Variants in SPTBN1 observed in about 807,000 individuals in gnomAD.
SPTBN1 encodes the protein spectrin beta, non-erythrocytic 1.
SPTBN1 carries 32 observed loss-of-function variants against 266.4 expected under a neutral mutation model. The ratio of observed to expected loss-of-function variants is 0.12; its 90% CI spans 0.09 to 0.16. The LOEUF is 0.16. Ranked by LOEUF, SPTBN1 falls within the 10% of genes least tolerant of loss-of-function variation. The pLI is 1.00. For missense variants in SPTBN1, 2,296 were observed against 3,067.1 expected (o/e 0.75, Z 5.94); for synonymous variants, 1,336 against 1,162.2 (o/e 1.15, Z -3.04).
At chr2:54,575,558 T>A (rs1674403189) in intron 2 of SPTBN1, among the ~76,000 whole-genome samples, 1 of 152,380 alleles carries the variant, frequency 6.6e-6, no homozygotes, top group African/African-American at 2.4e-5. Flanking sequence ...CCTAAGGGCA[T>A]TTAACTTGAG....
chr2:54,488,620 G>T (rs1384362473), intron 1 of SPTBN1, among the ~76,000 whole-genome samples: 3 of 152,034 alleles, frequency 2.0e-5, no homozygotes, highest in Non-Finnish European at 1.5e-5. Flanking sequence ...TCAGTGTTGT[G>T]CATTATTATC....
chr2:54,545,475 C>T (rs999771916), intron 2 of SPTBN1: 1 of 152,082 alleles, frequency 6.6e-6, no homozygotes, highest in African/African-American at 2.4e-5. Context: ...ACCCAGAGAC[C>T]CCACTAAGTG....
chr2:54,631,726 A>G (rs1678744766), intron 16 of SPTBN1, 115 bp downstream of exon 16: 1 of 1,338,702 alleles, frequency 7.5e-7, no homozygotes, highest in Middle Eastern at 2.2e-4. Context: ...TTATATGGAT[A>G]ATTTAGAGAC....
intron 1 of SPTBN1, among the ~76,000 whole-genome samples, chr2:54,463,043 A>G (rs146064440): frequency 1.9e-3 from 291 of 152,338 alleles, no homozygotes; most frequent in African/African-American, 6.6e-3. Context: ...TTCAGAATAC[A>G]GTGAGACTGG....
intron 28 of SPTBN1, among the ~76,000 whole-genome samples, 174 bp downstream of exon 28, chr2:54,655,382 C>T (rs1680582853): frequency 6.6e-6 from 1 of 152,214 alleles, no homozygotes; most frequent in African/African-American, 2.4e-5. Context: ...AGACTCTAGG[C>T]CCAGGCTGGT....
At position 54,526,373 on chromosome 2, in the gene SPTBN1, A is replaced by G; in HGVS notation, c.-46A>G. 4 of 1,605,368 alleles carry G rather than the reference A, an allele frequency of 2.5e-6. No individual in the cohort carries two copies. Among genetic ancestry groups the G allele is most frequent in the Non-Finnish European group, 3.4e-6 (4 of 1,175,456 alleles). On this transcript the variant is annotated splice_region_variant and 5_prime_UTR_variant, in exon 2 of 36. Coordinates refer to ENST00000356805, the MANE Select transcript of SPTBN1 (RefSeq NM_003128.3). ...TGTTTTTCCTTTTCTTTCTCATAGA[A>G]CTCTAAGAAGGAGCTGATGTGGAGG...
intron 1 of SPTBN1, among the ~76,000 whole-genome samples, chr2:54,488,803 A>C (rs1397810795): frequency 6.6e-6 from 1 of 152,176 alleles, no homozygotes; most frequent in African/African-American, 2.4e-5. Context: ...TTTGACTTTC[A>C]ATTATAATGA....
chr2:54,670,662 T>G lies in SPTBN1; in HGVS notation c.*2093T>G. 2 of 398,674 alleles carry G rather than the reference T, an allele frequency of 5.0e-6. No homozygotes were observed. Among genetic ancestry groups the G allele is most frequent in the Non-Finnish European group, 8.8e-6 (2 of 226,076 alleles). The allele number at this position is 398,674 out of a possible 1,614,324, so 24.7% of individuals were successfully genotyped here. ...TGTACTCTTGACAAAGCTGTGCAGA[T>G]GGCAATAAGTTCATACCAGCAATCC... On this transcript the variant is annotated 3_prime_UTR_variant, in exon 36 of 36. Coordinates refer to ENST00000356805, the MANE Select transcript of SPTBN1 (RefSeq NM_003128.3).
intron 12 of SPTBN1, 151 bp from the exon 13 acceptor site, chr2:54,627,946 G>A (rs934363255): frequency 1.2e-6 from 1 of 805,488 alleles, no homozygotes. Flanking sequence ...CTGGTTTGTT[G>A]GCCATCATCT....
rs774120063 is a variant in SPTBN1 at position 54,653,681 on chromosome 2, A to G, written c.5650A>G (p.Lys1884Glu). The G allele has an allele frequency of 1.2e-6, 2 of 1,614,164 alleles. No individual in the cohort carries two copies. Among genetic ancestry groups the G allele is most frequent in the South Asian group, 1.1e-5 (1 of 91,082 alleles). ...GGGTGACAAGGCCGACGATATCCAG[A>G]AGCGCGAGAACGAGGTCCTGGAAGC... Reference protein sequence around the residue: ...YAGDKADDIQKRENEVLEAWK... With the variant: ...YAGDKADDIQERENEVLEAWK... Residue 1884 changes from lysine to glutamate, a missense_variant, in exon 27 of 36, where the codon AAG becomes GAG. Lys to Glu is a moderately conservative substitution (Grantham distance 56, BLOSUM62 1). Transcript: ENST00000356805. The surrounding 1 kb of genome is among the most constrained non-coding windows in gnomAD (Gnocchi z 5.1).
In SPTBN1 at chr2:54,649,682, C is replaced by T. The variant is rs1284612527; in HGVS notation, c.5270C>T (p.Thr1757Met). Reference protein sequence around the residue: ...TGNIGQERVDTVNHLADELIN... With the variant: ...TGNIGQERVDMVNHLADELIN... ...AACATTGGGCAGGAGCGCGTGGACA[C>T]GGTCAATCACCTGGCAGATGAGCTC... Residue 1757 changes from threonine (T) to methionine (M), a missense_variant, in exon 26 of 36, where the codon ACG (threonine) becomes ATG (methionine). By Grantham distance (81) the Thr-to-Met change is moderately conservative (BLOSUM62 -1). Around this residue, in one of 12 missense-constraint regions of SPTBN1, gnomAD observed 644 missense variants for 745.3 expected, o/e 0.86. Coordinates refer to ENST00000356805, the MANE Select transcript of SPTBN1 (RefSeq NM_003128.3). This position sits in a 1 kb window ranked among gnomAD's most constrained non-coding sequence, Gnocchi z 6.7. 9.3e-6 allele frequency: 15 copies of T among 1,613,956 alleles called. No homozygotes were observed. Among genetic ancestry groups the T allele is most frequent in the African/African-American group, 1.3e-5 (1 of 74,910 alleles).
intron 3 of SPTBN1, among the ~76,000 whole-genome samples, chr2:54,610,162 AT>A (rs958801115): frequency 1.3e-5 from 2 of 152,108 alleles, no homozygotes; most frequent in Non-Finnish European, 2.9e-5. Flanking sequence ...ATTCCTTGAC[AT>A]TTTTTAAGCC....
At chr2:54,516,462 T>C (rs945346880) in intron 1 of SPTBN1, 4 of 152,316 alleles carry the variant, frequency 2.6e-5, no homozygotes, top group Middle Eastern at 3.4e-3. Flanking sequence ...GAAGATATTA[T>C]GATAAAAGCA....
At position 54,616,295 on chromosome 2, in the gene SPTBN1, C is replaced by T; in HGVS notation, c.563C>T (p.Ala188Val). ...ALLLWCQMKT[A>V]GYPNVNIHNF... ...CTGTTGTGGTGCCAGATGAAGACAG[C>T]TGGGTGAGTGTGAATGAAGAGGGTA... The change falls in exon 5 of 36, where the codon GCT becomes GTT. Residue 188 changes from alanine (A) to valine (V), a missense_variant. Transcript: ENST00000356805. 6.2e-7 allele frequency: 1 copy of T among 1,613,252 alleles called. No individual in the cohort carries two copies. Among genetic ancestry groups the T allele is most frequent in the South Asian group, 1.1e-5 (1 of 90,938 alleles).
At chr2:54,550,422 A>G (rs115433021) in intron 2 of SPTBN1, among the ~76,000 whole-genome samples, 3,315 of 152,312 alleles carry the variant, frequency 0.022, 69 homozygotes, top group Non-Finnish European at 0.029. Context: ...CCAGGGCTGC[A>G]CATGTTGTTC....
intron 2 of SPTBN1, among the ~76,000 whole-genome samples, chr2:54,543,822 C>G (rs1037127187): frequency 6.6e-6 from 1 of 152,100 alleles, no homozygotes; most frequent in Non-Finnish European, 1.5e-5. Context: ...GAGGAAGAGA[C>G]AGATGGGAGT....
In SPTBN1 at chr2:54,646,033, C is replaced by G. The variant is rs762899716; in HGVS notation, c.4584+16C>G. ...GAAAAATCAGGTAAGCCTTTCTGCTCGAGCTAGTTCTGTCTGATAAATAAT... is the reference window on the plus strand; with the variant it reads ...GAAAAATCAGGTAAGCCTTTCTGCTGGAGCTAGTTCTGTCTGATAAATAAT... On this transcript the variant is annotated intron_variant, in intron 22 of 35. Coordinates refer to ENST00000356805, the MANE Select transcript of SPTBN1 (RefSeq NM_003128.3). This position sits in a 1 kb window ranked among gnomAD's most constrained non-coding sequence, Gnocchi z 4.4. 11 of 1,614,088 alleles carry G rather than the reference C, an allele frequency of 6.8e-6. No homozygotes were observed. The highest frequency in any genetic ancestry group is 1.3e-5 in the African/African-American group (1 of 75,042).
rs765879123 is a variant in SPTBN1, at chr2:54,649,849, G to A, written c.5437G>A (p.Asp1813Asn). The A allele has an allele frequency of 1.2e-6, 2 of 1,614,164 alleles. No homozygotes were observed. The highest frequency in any genetic ancestry group is 1.7e-6 in the Non-Finnish European group (2 of 1,180,034). ...CTATGAACTGCACAAGTTTTACCACGATGCCAAGGAGATCTTTGGGCGTAT... is the reference window on the plus strand; with the variant it reads ...CTATGAACTGCACAAGTTTTACCACAATGCCAAGGAGATCTTTGGGCGTAT... ...ASYELHKFYH[D>N]AKEIFGRIQD... The change falls in exon 26 of 36, where the codon GAT becomes AAT. Residue 1813 changes from aspartate (D) to asparagine (N), a missense_variant. Coordinates refer to ENST00000356805, the MANE Select transcript of SPTBN1 (RefSeq NM_003128.3). The surrounding 1 kb of genome is among the most constrained non-coding windows in gnomAD (Gnocchi z 6.7).
chr2:54,581,251 A>C (rs987614300), intron 2 of SPTBN1, among the ~76,000 whole-genome samples: 2 of 152,248 alleles, frequency 1.3e-5, no homozygotes, highest in Admixed American at 1.3e-4. Flanking sequence ...CAAGTGTAGA[A>C]TGGACAACAA....
Sources: gnomAD v4.1 joint callset for allele counts (sites outside exome capture counted in the v4.1 genomes callset) on GRCh38, gnomAD v4.1.1 for gene constraint, gnomAD v4.1.1 regional missense constraint, Gnocchi (gnomAD v3.1) non-coding constraint, MANE v1.5 for transcripts, NCBI Gene and HGNC (gene_info 2026-07-23, HGNC 2026-07-21) for gene names.